Variants in HYCC2 observed in about 807,000 individuals in gnomAD.
HYCC2 encodes hyccin PI4KA lipid kinase complex subunit 2, also known as hyccin 2.
chr2:201,064,314 T>A, the HYCC2 span, among the ~76,000 whole-genome samples: 14 of 152,228 alleles, frequency 9.2e-5, no homozygotes, highest in Non-Finnish European at 1.3e-4. Flanking sequence ...GTAGATTTTT[T>A]TTTTTGCACC....
chr2:201,042,597 C>T, the HYCC2 span, among the ~76,000 whole-genome samples: 2 of 149,778 alleles, frequency 1.3e-5, no homozygotes, highest in Non-Finnish European at 3.0e-5. Flanking sequence ...GGAGCCCATC[C>T]GCCCAGCAGC....
chr2:201,055,742 A>G, the HYCC2 span, among the ~76,000 whole-genome samples: 1 of 152,142 alleles, frequency 6.6e-6, no homozygotes, highest in East Asian at 1.9e-4. Flanking sequence ...AAGTTATCAT[A>G]GCTCAGCCTG....
At chr2:201,055,205 T>C in the HYCC2 span, among the ~76,000 whole-genome samples, 1 of 152,094 alleles carries the variant, frequency 6.6e-6, no homozygotes, top group Admixed American at 6.6e-5. Context: ...TTTTTTATTG[T>C]GGTAAAAAAA....
chr2:200,978,791 A>T, the HYCC2 span: 2 of 152,054 alleles, frequency 1.3e-5, no homozygotes, highest in Admixed American at 1.3e-4. Flanking sequence ...AACATTTTTT[A>T]AAACCAATTT....
At chr2:201,053,991 AAAAC>A in the HYCC2 span, among the ~76,000 whole-genome samples, 1 of 152,138 alleles carries the variant, frequency 6.6e-6, no homozygotes, top group South Asian at 2.1e-4. Context: ...CCTTACCTCA[AAAAC>A]AAACAAACAA....
At chr2:201,028,713 A>G in the HYCC2 span, among the ~76,000 whole-genome samples, 2 of 152,240 alleles carry the variant, frequency 1.3e-5, no homozygotes, top group African/African-American at 4.8e-5. Flanking sequence ...AGAAACGGGG[A>G]AAGGATTCCC....
At chr2:201,040,508 T>C in the HYCC2 span, among the ~76,000 whole-genome samples, 2 of 152,072 alleles carry the variant, frequency 1.3e-5, no homozygotes, top group Non-Finnish European at 2.9e-5. Context: ...TGTTCATTTT[T>C]TTGAGACAAA....
the HYCC2 span, among the ~76,000 whole-genome samples, chr2:201,033,442 C>T: frequency 1.3e-5 from 2 of 151,366 alleles, no homozygotes; most frequent in African/African-American, 2.4e-5. Context: ...CTCCCTCTAT[C>T]GCCCAGACTG....
the HYCC2 span, among the ~76,000 whole-genome samples, chr2:200,999,820 T>C: frequency 3.3e-5 from 5 of 150,012 alleles, no homozygotes; most frequent in South Asian, 2.1e-4. Flanking sequence ...TCCCAGCACA[T>C]TGGGAGGCCG....
At chr2:201,042,730 G>A in the HYCC2 span, among the ~76,000 whole-genome samples, 4 of 150,600 alleles carry the variant, frequency 2.7e-5, no homozygotes, top group Admixed American at 1.3e-4. Context: ...CAGCCGCCCC[G>A]TCCGGGAGGT....
At chr2:201,054,629 C>G in the HYCC2 span, among the ~76,000 whole-genome samples, 2 of 152,082 alleles carry the variant, frequency 1.3e-5, no homozygotes, top group African/African-American at 4.8e-5. Flanking sequence ...ATCTTAAGTA[C>G]AATTTACTCC....
At chr2:201,011,968 T>C in the HYCC2 span, among the ~76,000 whole-genome samples, 4 of 152,254 alleles carry the variant, frequency 2.6e-5, no homozygotes, top group South Asian at 8.3e-4. Context: ...GAACATTATA[T>C]ATTTATGGCA....
chr2:201,065,201 T>C, the HYCC2 span, among the ~76,000 whole-genome samples: 8 of 152,360 alleles, frequency 5.3e-5, no homozygotes, highest in Admixed American at 5.2e-4. Context: ...AAGAATGTTA[T>C]ATAAATGGAA....
At chr2:201,068,487 C>T in the HYCC2 span, among the ~76,000 whole-genome samples, 712 of 152,200 alleles carry the variant, frequency 4.7e-3, 4 homozygotes, top group African/African-American at 0.016. Context: ...CAGTGGTGAA[C>T]CAAATTAATC....
chr2:201,043,737 T>C, the HYCC2 span, among the ~76,000 whole-genome samples: 1,280 of 152,132 alleles, frequency 8.4e-3, 10 homozygotes, highest in Non-Finnish European at 1.0e-2. Flanking sequence ...CTCGATCTCC[T>C]GACCTCGTGA....
the HYCC2 span, chr2:200,992,996 C>A: frequency 6.2e-7 from 1 of 1,608,062 alleles, no homozygotes; most frequent in Non-Finnish European, 8.5e-7. Flanking sequence ...AAGCCACTCA[C>A]ACAAACCCTA....
the HYCC2 span, chr2:200,981,307 G>C: frequency 1.2e-6 from 2 of 1,613,860 alleles, no homozygotes; most frequent in African/African-American, 2.7e-5. This position sits in a 1 kb window ranked among gnomAD's most constrained non-coding sequence, Gnocchi z 4.5. Flanking sequence ...GAAACTTGGG[G>C]ATCGAGACTG....
At chr2:201,013,870 T>A in the HYCC2 span, among the ~76,000 whole-genome samples, 51 of 152,260 alleles carry the variant, frequency 3.3e-4, no homozygotes, top group African/African-American at 1.2e-3. Context: ...TTAAGAGAAA[T>A]ATACAACTCC....
the HYCC2 span, chr2:201,024,036 A>G: frequency 6.3e-7 from 1 of 1,588,286 alleles, no homozygotes; most frequent in Non-Finnish European, 8.6e-7. Flanking sequence ...CTCCTCTTTT[A>G]TCTCTAAAAG....
Sources: allele counts gnomAD v4.1 joint callset (sites outside exome capture counted in the v4.1 genomes callset), GRCh38; gene constraint gnomAD v4.1.1; non-coding constraint Gnocchi (gnomAD v3.1); transcripts MANE v1.5; gene names NCBI Gene and HGNC (gene_info 2026-07-23, HGNC 2026-07-21).